CDH6: variants seen among roughly 807,000 people sequenced by gnomAD.
CDH6 encodes cadherin 6, also known as cadherin-6.
A neutral mutation model predicts 78.0 loss-of-function variants in CDH6; 31 were observed. That is an observed-to-expected ratio of 0.40 (90% confidence interval 0.30 to 0.54). CDH6 has a LOEUF of 0.54. Among genes scored for constraint, CDH6 ranks in the 20% least tolerant of loss-of-function variants. CDH6 has a pLI of 0.56. For synonymous variants in CDH6, 376 were observed against 368.8 expected (o/e 1.02, Z -0.23); for missense variants, 724 against 975.9 (o/e 0.74, Z 3.44).
intron 11 of CDH6, among the ~76,000 whole-genome samples, chr5:31,320,732 C>G (rs1315799540): frequency 1.3e-5 from 2 of 152,160 alleles, no homozygotes; most frequent in Non-Finnish European, 2.9e-5. Flanking sequence ...AATCCCAACA[C>G]TTTGCGAGGC....
chr5:31,267,037 G>A (rs1742382049), intron 1 of CDH6, among the ~76,000 whole-genome samples: 1 of 152,160 alleles, frequency 6.6e-6, no homozygotes, highest in Non-Finnish European at 1.5e-5. Context: ...CCAGATCTCA[G>A]CCCACATATT....
chr5:31,327,445 T>C lies in CDH6; in HGVS notation c.*4137T>C, dbSNP rs1290251613. ...ATGTATCCTCTAACAAGGATCATTA[T>C]AGTGTAATCTTAATTTTTATGTTTT... On this transcript the variant is annotated 3_prime_UTR_variant, in exon 12 of 12. Transcript: ENST00000265071. 2 of 191,772 alleles carry C rather than the reference T, an allele frequency of 1.0e-5. No homozygotes were observed. Among genetic ancestry groups the C allele is most frequent in the African/African-American group, 4.6e-5 (2 of 43,154 alleles). 11.9% of individuals were successfully genotyped at this position (191,772 alleles called of 1,614,324 possible). A position where few individuals can be genotyped will look rare whatever the true frequency, so the allele number is the denominator to read the frequency against.
chr5:31,306,020 A>T (rs1433214127), intron 7 of CDH6, among the ~76,000 whole-genome samples: 1 of 152,204 alleles, frequency 6.6e-6, no homozygotes, highest in African/African-American at 2.4e-5. Context: ...GATGCAGCTG[A>T]ATAACCTGGG....
At chr5:31,316,953 C>T (rs1738342520) in intron 9 of CDH6, among the ~76,000 whole-genome samples, 1 of 152,216 alleles carries the variant, frequency 6.6e-6, no homozygotes, top group Admixed American at 6.5e-5. Flanking sequence ...CCAAAGAGCA[C>T]TTCTACTTTG....
At chr5:31,273,639 A>G (rs923662706) in intron 2 of CDH6, among the ~76,000 whole-genome samples, 1 of 152,238 alleles carries the variant, frequency 6.6e-6, no homozygotes, top group African/African-American at 2.4e-5. Context: ...CACAAGTGAA[A>G]AAAACCCGGA....
At chr5:31,227,537 G>C (rs950763902) in intron 1 of CDH6, among the ~76,000 whole-genome samples, 18 of 152,106 alleles carry the variant, frequency 1.2e-4, no homozygotes, top group Non-Finnish European at 1.8e-4. Flanking sequence ...TTCTAGAATA[G>C]AATGTACACC....
chr5:31,317,459 A>G lies in CDH6; in HGVS notation c.1597A>G (p.Ser533Gly). The G allele has an allele frequency of 6.2e-7, 1 of 1,613,104 alleles. No homozygotes were observed. The change falls in exon 10 of 12, where the codon AGT becomes GGT. Residue 533 changes from serine to glycine, a missense_variant. Around this residue, in one of 3 missense-constraint regions of CDH6, gnomAD observed 446 missense variants for 684.5 expected, o/e 0.65. Coordinates refer to ENST00000265071, the MANE Select transcript of CDH6 (RefSeq NM_004932.4). Reference sequence around the variant, plus strand: ...GTTTTCCTTGGCCCCTGAAGCAGCCAGTGGCTCAAACTTTACCATTCAAGA... The same window carrying G: ...GTTTTCCTTGGCCCCTGAAGCAGCCGGTGGCTCAAACTTTACCATTCAAGA... Reference protein sequence around the residue: ...FSFSLAPEAASGSNFTIQDNK... With the variant: ...FSFSLAPEAAGGSNFTIQDNK...
At chr5:31,259,375 C>G (rs547727912) in intron 1 of CDH6, among the ~76,000 whole-genome samples, 38 of 152,174 alleles carry the variant, frequency 2.5e-4, no homozygotes, top group African/African-American at 8.7e-4. Context: ...CACTAAGATA[C>G]CTTCATCTCC....
intron 1 of CDH6, among the ~76,000 whole-genome samples, chr5:31,196,227 T>C (rs36116815): frequency 6.6e-6 from 1 of 152,192 alleles, no homozygotes; most frequent in Non-Finnish European, 1.5e-5. Flanking sequence ...AAAATGTACC[T>C]TGCAAAATAC....
chr5:31,272,455 C>T (rs1188814210), intron 2 of CDH6, among the ~76,000 whole-genome samples: 1 of 152,124 alleles, frequency 6.6e-6, no homozygotes, highest in Non-Finnish European at 1.5e-5. Flanking sequence ...AACTCTCTAG[C>T]CTGTTTTATG....
At chr5:31,239,595 G>A (rs1451168282) in intron 1 of CDH6, among the ~76,000 whole-genome samples, 1 of 152,200 alleles carries the variant, frequency 6.6e-6, no homozygotes, top group African/African-American at 2.4e-5. Flanking sequence ...GCTAATAAAA[G>A]CAACTGTAAA....
chr5:31,311,932 G>A (rs1201934529), intron 7 of CDH6, among the ~76,000 whole-genome samples: 1 of 121,184 alleles, frequency 8.3e-6, no homozygotes, highest in African/African-American at 2.5e-5. Context: ...TTACAAATAA[G>A]ACAACATTTC....
intron 1 of CDH6, among the ~76,000 whole-genome samples, chr5:31,262,638 G>A (rs983935955): frequency 6.6e-6 from 1 of 152,198 alleles, no homozygotes; most frequent in South Asian, 2.1e-4. Flanking sequence ...GTAGGGTGAG[G>A]GCAGAAAAAA....
At chr5:31,321,432 A>G (rs1360778155) in intron 11 of CDH6, among the ~76,000 whole-genome samples, 1 of 152,154 alleles carries the variant, frequency 6.6e-6, no homozygotes, top group Non-Finnish European at 1.5e-5. Flanking sequence ...ACCAACCTGA[A>G]TTTGAATTGC....
chr5:31,295,664 C>A (rs1466595601), intron 3 of CDH6, among the ~76,000 whole-genome samples: 1 of 152,078 alleles, frequency 6.6e-6, no homozygotes, highest in African/African-American at 2.4e-5. Flanking sequence ...GGGACAACAG[C>A]ATGGGAGCAA....
At chr5:31,243,803 G>A (rs1000430021) in intron 1 of CDH6, among the ~76,000 whole-genome samples, 2 of 152,126 alleles carry the variant, frequency 1.3e-5, no homozygotes, top group South Asian at 2.1e-4. Flanking sequence ...AGCAAACCTC[G>A]ATTCTATCTA....
At chr5:31,277,028 A>G (rs549570605) in intron 2 of CDH6, among the ~76,000 whole-genome samples, 3 of 152,310 alleles carry the variant, frequency 2.0e-5, no homozygotes, top group South Asian at 2.1e-4. Flanking sequence ...CTGATGGCCA[A>G]TGTTGTGAAG....
At chr5:31,233,785 C>T (rs928386929) in intron 1 of CDH6, among the ~76,000 whole-genome samples, 1 of 152,082 alleles carries the variant, frequency 6.6e-6, no homozygotes, top group Non-Finnish European at 1.5e-5. Flanking sequence ...TATAAAACAC[C>T]CACCGCCTCA....
At chr5:31,291,445 T>G (rs1306783718) in intron 2 of CDH6, among the ~76,000 whole-genome samples, 2 of 152,242 alleles carry the variant, frequency 1.3e-5, no homozygotes, top group Non-Finnish European at 2.9e-5. Flanking sequence ...ACTATTTGCA[T>G]GTGGTCTTCA....
Sources: allele counts gnomAD v4.1 joint callset (sites outside exome capture counted in the v4.1 genomes callset), GRCh38; gene constraint gnomAD v4.1.1; regional missense constraint gnomAD v4.1.1; transcripts MANE v1.5; gene names NCBI Gene and HGNC (gene_info 2026-07-23, HGNC 2026-07-21).